The following LCLAT1 variants were observed in gnomAD, a reference collection of about 807,000 sequenced individuals.
LCLAT1 encodes the protein lysocardiolipin acyltransferase 1.
Under a neutral mutation model 30.7 loss-of-function variants are expected in LCLAT1, and 11 were observed. That is an observed-to-expected ratio of 0.36 (90% CI 0.23 to 0.59). The LOEUF is 0.59. Among genes scored for constraint, LCLAT1 ranks in the 20% least tolerant of loss-of-function variants. The probability of loss-of-function intolerance (pLI) is 0.77; values close to 1 mark genes in which losing one functional copy is unlikely to be tolerated. For synonymous variants in LCLAT1, 155 were observed against 151.3 expected, an observed-to-expected ratio of 1.02 and a Z score of -0.18; for missense variants, 402 against 458.6, an observed-to-expected ratio of 0.88 and a Z score of 1.13.
At chr2:30,548,672 G>A (rs1407677046) in intron 3 of LCLAT1, among the ~76,000 whole-genome samples, 4 of 152,104 alleles carry the variant, frequency 2.6e-5, no homozygotes, top group African/African-American at 9.7e-5. Context: ...CCTAGATCTG[G>A]AAAGAAAGGA....
intron 5 of LCLAT1, among the ~76,000 whole-genome samples, chr2:30,621,595 G>A (rs191714570): frequency 6.6e-6 from 1 of 152,274 alleles, no homozygotes; most frequent in Admixed American, 6.5e-5. Context: ...CAGGCTCCGT[G>A]AGACAGCCAA....
intron 3 of LCLAT1, among the ~76,000 whole-genome samples, chr2:30,545,265 A>G (rs184081266): frequency 5.5e-4 from 84 of 152,286 alleles, no homozygotes; most frequent in African/African-American, 2.0e-3. Context: ...GTAGTGGTCA[A>G]CTATATACTG....
chr2:30,467,694 A>T (rs949687750), intron 1 of LCLAT1, among the ~76,000 whole-genome samples: 1 of 152,174 alleles, frequency 6.6e-6, no homozygotes, highest in Non-Finnish European at 1.5e-5. Flanking sequence ...GCCAGTGATG[A>T]TGAGCATTTT....
chr2:30,496,500 A>T (rs999387546), intron 1 of LCLAT1, among the ~76,000 whole-genome samples: 1 of 152,158 alleles, frequency 6.6e-6, no homozygotes, highest in Non-Finnish European at 1.5e-5. Flanking sequence ...AGGCTCAGAG[A>T]TATCTCCAGT....
At chr2:30,602,814 T>G (rs1175879528) in intron 5 of LCLAT1, among the ~76,000 whole-genome samples, 3 of 152,176 alleles carry the variant, frequency 2.0e-5, no homozygotes, top group Non-Finnish European at 4.4e-5. Context: ...ACTAGCTCAG[T>G]ATTAGCTCAG....
intron 4 of LCLAT1, among the ~76,000 whole-genome samples, chr2:30,567,057 T>A (rs901357019): frequency 2.0e-5 from 3 of 152,246 alleles, no homozygotes; most frequent in African/African-American, 7.2e-5. Context: ...AATGTTGATC[T>A]GATATATTTG....
chr2:30,556,954 G>C (rs148898784), intron 3 of LCLAT1, among the ~76,000 whole-genome samples: 402 of 152,106 alleles, frequency 2.6e-3, no homozygotes, highest in African/African-American at 9.3e-3. Context: ...ATATTGTTCA[G>C]GCTGGTCTGG....
At chr2:30,591,772 G>C (rs1016360457) in intron 5 of LCLAT1, among the ~76,000 whole-genome samples, 17 of 152,118 alleles carry the variant, frequency 1.1e-4, no homozygotes, top group Admixed American at 3.3e-4. Context: ...CACCATTTCA[G>C]CTTTCTTTGC....
intron 5 of LCLAT1, among the ~76,000 whole-genome samples, chr2:30,636,093 G>A (rs1305612389): frequency 6.6e-6 from 1 of 152,154 alleles, no homozygotes; most frequent in Non-Finnish European, 1.5e-5. Context: ...ACTTGAACAA[G>A]CTTCTTCTTA....
intron 5 of LCLAT1, among the ~76,000 whole-genome samples, chr2:30,587,598 T>C: frequency 6.6e-6 from 1 of 152,212 alleles, no homozygotes; most frequent in Non-Finnish European, 1.5e-5. Context: ...TTTATAAAAA[T>C]AGGCTTATTA....
intron 1 of LCLAT1, among the ~76,000 whole-genome samples, chr2:30,508,453 G>A (rs972920568): frequency 2.6e-5 from 4 of 152,012 alleles, no homozygotes; most frequent in Admixed American, 6.6e-5. Flanking sequence ...TTTGTATATC[G>A]TGTAAGGAAG....
intron 5 of LCLAT1, among the ~76,000 whole-genome samples, chr2:30,636,904 A>G (rs145343436): frequency 1.3e-5 from 2 of 152,368 alleles, no homozygotes; most frequent in African/African-American, 4.8e-5. Flanking sequence ...GTAGAGAGGT[A>G]GAAGGAGCTA....
At chr2:30,523,160 G>A (rs1685555168) in intron 1 of LCLAT1, among the ~76,000 whole-genome samples, 1 of 151,812 alleles carries the variant, frequency 6.6e-6, no homozygotes, top group Non-Finnish European at 1.5e-5. Context: ...GATAGAAAAC[G>A]GTAGTTACAG....
intron 5 of LCLAT1, among the ~76,000 whole-genome samples, chr2:30,608,744 G>A (rs1261427983): frequency 1.3e-5 from 2 of 152,088 alleles, no homozygotes; most frequent in Non-Finnish European, 2.9e-5. Context: ...GTGTGAGTAT[G>A]CTCTATGATG....
rs1572674853 is a variant in LCLAT1, at chr2:30,597,160, T to A, written c.628+28984T>A. ...TGGTTCCATATGAATTTTAAAAGAG[T>A]TTTTTCTAATTCTATGAAGAATGTC... is the stretch of plus-strand genomic sequence containing the variant. On this transcript the variant is annotated intron_variant, in intron 5 of 5. Coordinates refer to ENST00000379509, the MANE Select transcript of LCLAT1 (RefSeq NM_001002257.3). Among the ~76,000 whole-genome samples, 6 of 150,384 alleles carry A rather than the reference T, an allele frequency of 4.0e-5. No individual in the cohort carries two copies. The South Asian group carries it at 1.3e-3, about 33-fold the overall frequency.
intron 1 of LCLAT1, among the ~76,000 whole-genome samples, chr2:30,516,264 T>C (rs544633906): frequency 2.0e-5 from 3 of 152,202 alleles, no homozygotes; most frequent in South Asian, 2.1e-4. Context: ...CTATTAAATC[T>C]TGCAACTGCA....
chr2:30,539,182 C>G (rs902217136), intron 3 of LCLAT1, among the ~76,000 whole-genome samples: 1 of 151,130 alleles, frequency 6.6e-6, no homozygotes, highest in Non-Finnish European at 1.5e-5. Flanking sequence ...ATCTCTTGAC[C>G]TCGTGATCCG....
intron 3 of LCLAT1, among the ~76,000 whole-genome samples, chr2:30,541,649 A>G (rs748425561): frequency 6.6e-6 from 1 of 152,122 alleles, no homozygotes; most frequent in Non-Finnish European, 1.5e-5. Flanking sequence ...ATACCTTTAT[A>G]TTACTTTTAA....
At chr2:30,604,039 A>T (rs565970489) in intron 5 of LCLAT1, among the ~76,000 whole-genome samples, 4 of 152,122 alleles carry the variant, frequency 2.6e-5, no homozygotes, top group Non-Finnish European at 5.9e-5. Flanking sequence ...CTAAATATTG[A>T]ACTTACCAAG....
Sources: allele counts gnomAD v4.1 joint callset (sites outside exome capture counted in the v4.1 genomes callset), GRCh38; gene constraint gnomAD v4.1.1; transcripts MANE v1.5; gene names NCBI Gene and HGNC (gene_info 2026-07-23, HGNC 2026-07-21).